Variants in SPAG16 observed in about 807,000 individuals in gnomAD.
The protein encoded by SPAG16 is sperm associated antigen 16, also known as sperm-associated antigen 16 protein.
In SPAG16, 86 loss-of-function variants were observed where a neutral mutation model predicts 80.4. The observed-to-expected ratio is 1.07, with a 90% CI of 0.90 to 1.28. SPAG16 has a LOEUF of 1.28. Among genes scored for constraint, SPAG16 ranks in the 50% most tolerant of loss-of-function variants. SPAG16 has a pLI of 0.00. For missense variants in SPAG16, 870 were observed against 765.3 expected, an observed-to-expected ratio of 1.14 and a Z score of -1.61; for synonymous variants, 294 against 265.9, an observed-to-expected ratio of 1.11 and a Z score of -1.03.
chr2:213,360,779 C>T (rs977258174), intron 7 of SPAG16, among the ~76,000 whole-genome samples: 10 of 152,214 alleles, frequency 6.6e-5, no homozygotes, highest in Non-Finnish European at 1.3e-4. Context: ...TGAAATGTTT[C>T]TCTATAATGT....
intron 10 of SPAG16, among the ~76,000 whole-genome samples, chr2:213,513,068 G>A (rs566334165): frequency 1.3e-5 from 2 of 152,232 alleles, no homozygotes; most frequent in South Asian, 4.2e-4. Context: ...AGCTATACCT[G>A]ATGTCATGCT....
At chr2:213,404,093 G>A (rs2068476893) in intron 9 of SPAG16, among the ~76,000 whole-genome samples, 1 of 152,104 alleles carries the variant, frequency 6.6e-6, no homozygotes, top group Non-Finnish European at 1.5e-5. Context: ...CCATGCTCAT[G>A]GGTAGGAAGA....
intron 12 of SPAG16, among the ~76,000 whole-genome samples, chr2:213,970,102 TTGTTTA>T (rs1267369653): frequency 6.6e-6 from 1 of 152,108 alleles, no homozygotes; most frequent in African/African-American, 2.4e-5. Context: ...CCCTCAGACT[TTGTTTA>T]TAAGGGTACT....
At chr2:213,817,571 T>C (rs185747390) in intron 10 of SPAG16, among the ~76,000 whole-genome samples, 23 of 152,068 alleles carry the variant, frequency 1.5e-4, no homozygotes, top group African/African-American at 5.1e-4. Context: ...AGGAAAGACA[T>C]AGAATCAACC....
intron 12 of SPAG16, among the ~76,000 whole-genome samples, chr2:213,962,292 A>C (rs1314800519): frequency 1.3e-5 from 2 of 150,566 alleles, no homozygotes; most frequent in East Asian, 3.9e-4. Flanking sequence ...TCCTGGGTTC[A>C]CGCCATTCTC....
chr2:213,489,846 A>G (rs1280828122), intron 9 of SPAG16, 117 bp from the exon 10 acceptor site: 1 of 775,238 alleles, frequency 1.3e-6, no homozygotes, highest in East Asian at 3.2e-5. Context: ...GAAGGACTTC[A>G]TGTAAATTCT....
At chr2:213,285,406 C>T (rs573812864) in intron 1 of SPAG16, among the ~76,000 whole-genome samples, 20 of 152,146 alleles carry the variant, frequency 1.3e-4, no homozygotes, top group Non-Finnish European at 2.2e-4. Flanking sequence ...ACTAGGGAGA[C>T]GGGGAGGGTT....
At chr2:213,432,672 A>G (rs1186544589) in intron 9 of SPAG16, among the ~76,000 whole-genome samples, 1 of 152,166 alleles carries the variant, frequency 6.6e-6, no homozygotes, top group Non-Finnish European at 1.5e-5. Context: ...TACCAGTTGT[A>G]CAAAGAAAAA....
intron 15 of SPAG16, among the ~76,000 whole-genome samples, chr2:214,153,630 A>T (rs538337711): frequency 9.8e-4 from 149 of 152,230 alleles, no homozygotes; most frequent in African/African-American, 3.4e-3. Flanking sequence ...CACAAGAAAG[A>T]TGCTTGAGGC....
chr2:213,689,353 T>G (rs754751175), intron 10 of SPAG16, among the ~76,000 whole-genome samples: 5 of 152,180 alleles, frequency 3.3e-5, no homozygotes, highest in Non-Finnish European at 7.4e-5. Context: ...CCAATTTCTT[T>G]GTGTATTGTT....
intron 10 of SPAG16, among the ~76,000 whole-genome samples, chr2:213,574,373 C>G (rs2060039585): frequency 6.6e-6 from 1 of 151,956 alleles, no homozygotes; most frequent in African/African-American, 2.4e-5. Context: ...AGGACAAAGC[C>G]AAATTTTAAG....
At chr2:213,833,465 T>TTATAATA (rs1559505675) in intron 10 of SPAG16, among the ~76,000 whole-genome samples, 2 of 9,726 alleles carry the variant, frequency 2.1e-4, no homozygotes, top group Non-Finnish European at 3.8e-4. Context: ...TATATATATA[T>TTATAATA]TATATATAAT....
rs61711759 is a variant in SPAG16 at position 214,319,200 on chromosome 2, C to CCACACACACACACACACACACACACA, written c.1721-90916_1721-90915insCACACACACACACACACACACACACA. On this transcript the variant is annotated intron_variant, in intron 15 of 15. Coordinates refer to ENST00000331683, the MANE Select transcript of SPAG16 (RefSeq NM_024532.5). ...CCTAATAAACTTGCACACACACACA[C>CCACACACACACACACACACACACACA]CACACACACACACACACACACACAA... Among the ~76,000 whole-genome samples, 448 of 142,312 alleles carry CCACACACACACACACACACACACACA rather than the reference C, an allele frequency of 3.1e-3. 3 individuals carry two copies. Among genetic ancestry groups the CCACACACACACACACACACACACACA allele is most frequent in the African/African-American group, 7.8e-3 (296 of 38,116 alleles). 93.4% of individuals were successfully genotyped at this position (142,312 alleles called of 152,430 possible).
chr2:213,650,175 T>C (rs1170183835), intron 10 of SPAG16, among the ~76,000 whole-genome samples: 1 of 152,184 alleles, frequency 6.6e-6, no homozygotes, highest in Non-Finnish European at 1.5e-5. Context: ...CCTACCCTAA[T>C]TGGAAATATA....
At chr2:214,229,202 TG>T (rs2125795698) in intron 15 of SPAG16, among the ~76,000 whole-genome samples, 1 of 145,358 alleles carries the variant, frequency 6.9e-6, no homozygotes, top group African/African-American at 2.6e-5. Flanking sequence ...ATATAAAGGA[TG>T]TAAAGGTCAC....
At chr2:213,346,399 C>A (rs1290469446) in intron 6 of SPAG16, among the ~76,000 whole-genome samples, 3 of 152,186 alleles carry the variant, frequency 2.0e-5, no homozygotes, top group African/African-American at 7.2e-5. Flanking sequence ...ATTGCCCTGG[C>A]CAGAACTTCC....
intron 10 of SPAG16, among the ~76,000 whole-genome samples, chr2:213,786,006 T>TA (rs769518490): frequency 9.0e-4 from 127 of 140,716 alleles, no homozygotes; most frequent in East Asian, 1.4e-3. Flanking sequence ...AAACTCCGTC[T>TA]AAAAAAAAAA....
intron 10 of SPAG16, among the ~76,000 whole-genome samples, chr2:213,855,463 T>C (rs185711698): frequency 3.2e-4 from 49 of 152,344 alleles, no homozygotes; most frequent in Middle Eastern, 6.8e-3. Context: ...TAAACGTAAC[T>C]CATAGGAGAA....
chr2:213,572,782 G>T lies in SPAG16; in HGVS notation c.1070+82692G>T, dbSNP rs932790218. Among the ~76,000 whole-genome samples the T allele has an allele frequency of 1.4e-3, 217 of 152,198 alleles. 2 individuals carry two copies. The highest frequency in any genetic ancestry group is 4.7e-3 in the African/African-American group (195 of 41,534). ...GGGCTCTACCCAGTTCGAGCTTCCTGGCTGCTTTGTTTACCTAAGCAAGCC... is the reference window on the plus strand; with the variant it reads ...GGGCTCTACCCAGTTCGAGCTTCCTTGCTGCTTTGTTTACCTAAGCAAGCC... On this transcript the variant is annotated intron_variant, in intron 10 of 15. Coordinates refer to ENST00000331683, the MANE Select transcript of SPAG16 (RefSeq NM_024532.5).
Sources: gnomAD v4.1 joint callset for allele counts (sites outside exome capture counted in the v4.1 genomes callset) on GRCh38, gnomAD v4.1.1 for gene constraint, MANE v1.5 for transcripts, NCBI Gene and HGNC (gene_info 2026-07-23, HGNC 2026-07-21) for gene names.